The following PIK3AP1 variants were observed in gnomAD, a reference collection of about 807,000 sequenced individuals.
The protein encoded by PIK3AP1 is phosphoinositide-3-kinase adaptor protein 1, also known as phosphoinositide 3-kinase adapter protein 1.
A neutral mutation model predicts 88.1 loss-of-function variants in PIK3AP1; 21 were observed. That is an observed-to-expected ratio of 0.24 (90% CI 0.17 to 0.34). The LOEUF is 0.34. Among genes scored for constraint, PIK3AP1 ranks in the 10% least tolerant of loss-of-function variants. The probability of loss-of-function intolerance (pLI) is 1.00; values close to 1 mark genes in which losing one functional copy is unlikely to be tolerated. For missense variants in PIK3AP1, 828 were observed against 1,035.7 expected (o/e 0.80, Z 2.75); for synonymous variants, 398 against 400.0 (o/e 1.00, Z 0.06).
chr10:96,672,936 G>C (rs1843867058), intron 2 of PIK3AP1, among the ~76,000 whole-genome samples: 1 of 152,214 alleles, frequency 6.6e-6, no homozygotes. Context: ...ACATGTGACA[G>C]AGATGACTAT....
intron 16 of PIK3AP1, among the ~76,000 whole-genome samples, chr10:96,601,334 C>T (rs1271863886): frequency 4.0e-5 from 6 of 151,894 alleles, no homozygotes; most frequent in Non-Finnish European, 7.4e-5. Flanking sequence ...ATTAGCCAGG[C>T]GTGGTGGCAG....
intron 7 of PIK3AP1, among the ~76,000 whole-genome samples, chr10:96,647,976 T>C (rs562593237): frequency 2.6e-5 from 4 of 152,142 alleles, no homozygotes; most frequent in Admixed American, 2.6e-4. Flanking sequence ...GAAGTCAATG[T>C]TTGAGGAGGA....
At chr10:96,645,339 G>C (rs1274395531) in intron 8 of PIK3AP1, 134 bp downstream of exon 8, 5 of 846,984 alleles carry the variant, frequency 5.9e-6, no homozygotes, top group African/African-American at 5.3e-5. Context: ...CCCTAGCTTT[G>C]TGTAAAACAG....
Position 96,709,675 on chromosome 10 carries a change from T to C in PIK3AP1, c.322A>G (p.Ser108Gly). 1 of 1,614,258 alleles carries C rather than the reference T, an allele frequency of 6.2e-7. No homozygotes were observed. Among genetic ancestry groups the C allele is most frequent in the East Asian group, 2.2e-5 (1 of 44,890 alleles). Residue 108 changes from serine (S) to glycine (G), a missense_variant, in exon 2 of 17, where the codon AGC becomes GGC. This residue lies in a region of PIK3AP1 where 610 missense variants were observed against 760.1 expected (regional missense o/e 0.80). Transcript: ENST00000339364. ...GGAAAGAAGTCTAGGAACTCCTCGC[T>C]GTCCCGCACGCCGCAGAGCAGCCTG... The part of the protein sequence containing the change: ...VVRLLCGVRD[S>G]EEFLDFFPDW...
chr10:96,716,109 C>G (rs887142253), intron 1 of PIK3AP1, among the ~76,000 whole-genome samples: 2 of 151,684 alleles, frequency 1.3e-5, no homozygotes, highest in Admixed American at 6.6e-5. Flanking sequence ...AGTGAAACTC[C>G]AACTCTACAA....
intron 9 of PIK3AP1, 146 bp downstream of exon 9, chr10:96,628,252 G>C (rs572304313): frequency 6.3e-4 from 465 of 740,780 alleles, no homozygotes; most frequent in Non-Finnish European, 9.7e-4. Flanking sequence ...GGGGTCGGGG[G>C]AGGCAGAGTG....
chr10:96,711,143 A>G (rs1844432546), intron 1 of PIK3AP1, among the ~76,000 whole-genome samples: 2 of 152,190 alleles, frequency 1.3e-5, no homozygotes, highest in African/African-American at 4.8e-5. Context: ...TGAAAGAAAC[A>G]TTTCATCTAG....
chr10:96,678,212 T>A (rs372405583), intron 2 of PIK3AP1, among the ~76,000 whole-genome samples: 1 of 152,084 alleles, frequency 6.6e-6, no homozygotes, highest in Admixed American at 6.6e-5. Context: ...AGTGGGCAGA[T>A]CATCTGAGGT....
intron 6 of PIK3AP1, among the ~76,000 whole-genome samples, chr10:96,649,541 A>C (rs549630737): frequency 6.6e-6 from 1 of 152,272 alleles, no homozygotes; most frequent in South Asian, 2.1e-4. Context: ...TCTTAAAGCT[A>C]TTGTTTCGTG....
chr10:96,628,895 T>TACATAC (rs1564961279), intron 8 of PIK3AP1, among the ~76,000 whole-genome samples: 1 of 29,420 alleles, frequency 3.4e-5, no homozygotes, highest in South Asian at 1.6e-3. Context: ...TATACATATA[T>TACATAC]ATATATATAT....
At chr10:96,667,380 T>C (rs1843778630) in intron 2 of PIK3AP1, among the ~76,000 whole-genome samples, 1 of 152,264 alleles carries the variant, frequency 6.6e-6, no homozygotes. Flanking sequence ...TAAACAAGCA[T>C]GGTTCTTAAA....
chr10:96,654,808 G>A (rs1843592519), intron 3 of PIK3AP1, among the ~76,000 whole-genome samples: 2 of 152,172 alleles, frequency 1.3e-5, no homozygotes, highest in Non-Finnish European at 2.9e-5. Flanking sequence ...TGACCAGAGG[G>A]GCATGGGGAA....
intron 2 of PIK3AP1, among the ~76,000 whole-genome samples, chr10:96,660,523 G>A (rs1391576916): frequency 1.3e-5 from 2 of 152,166 alleles, no homozygotes; most frequent in African/African-American, 4.8e-5. Flanking sequence ...ATCCTTTCCC[G>A]AGGTTCTTCT....
chr10:96,597,896 T>C (rs1848807238), intron 16 of PIK3AP1, among the ~76,000 whole-genome samples: 1 of 152,204 alleles, frequency 6.6e-6, no homozygotes, highest in Non-Finnish European at 1.5e-5. Context: ...GCTGCCACAC[T>C]GTGCAGTTGG....
At chr10:96,625,208 A>G (rs1376669983) in intron 10 of PIK3AP1, among the ~76,000 whole-genome samples, 1 of 152,212 alleles carries the variant, frequency 6.6e-6, no homozygotes, top group Non-Finnish European at 1.5e-5. Context: ...GCACTGGTTG[A>G]GGGCAGCAAC....
intron 2 of PIK3AP1, among the ~76,000 whole-genome samples, chr10:96,663,627 C>CAA (rs373081849): frequency 0.04 from 1,729 of 42,914 alleles, 177 homozygotes; most frequent in African/African-American, 0.054. Flanking sequence ...GAGACTCCGT[C>CAA]AAAAAAAAAA....
At chr10:96,627,008 G>T (rs79788733) in intron 9 of PIK3AP1, 103 bp from the exon 10 acceptor site, 33,360 of 1,097,706 alleles carry the variant, frequency 0.03, 867 homozygotes, top group Middle Eastern at 0.033. Flanking sequence ...CCTCAGTGCT[G>T]CCCCCTGGCA....
At chr10:96,612,969 T>C (rs1849143020) in intron 13 of PIK3AP1, among the ~76,000 whole-genome samples, 1 of 118,026 alleles carries the variant, frequency 8.5e-6, no homozygotes, top group Admixed American at 9.1e-5. Context: ...TATATATATA[T>C]ATATATATAT....
chr10:96,696,374 T>C (rs1466635617), intron 2 of PIK3AP1, among the ~76,000 whole-genome samples: 2 of 152,218 alleles, frequency 1.3e-5, no homozygotes, highest in African/African-American at 2.4e-5. Flanking sequence ...TGGCTGAAAC[T>C]GAAAATTTTC....
Sources: gnomAD v4.1 joint callset for allele counts (sites outside exome capture counted in the v4.1 genomes callset) on GRCh38, gnomAD v4.1.1 for gene constraint, gnomAD v4.1.1 regional missense constraint, MANE v1.5 for transcripts, NCBI Gene and HGNC (gene_info 2026-07-23, HGNC 2026-07-21) for gene names.